Variants in CYP7B1 observed in about 807,000 individuals in gnomAD.
The protein encoded by CYP7B1 is cytochrome P450 7B1.
CYP7B1 carries 29 observed loss-of-function variants against 42.7 expected under a neutral mutation model. That is an observed-to-expected ratio of 0.68 (90% CI 0.51 to 0.93). The LOEUF (loss-of-function observed/expected upper bound fraction) is 0.93. Ranked by LOEUF, CYP7B1 falls within the 40% of genes least tolerant of loss-of-function variation. The pLI is 0.00. For missense variants in CYP7B1, 655 were observed against 600.5 expected (o/e 1.09, Z -0.95); for synonymous variants, 235 against 218.2 (o/e 1.08, Z -0.68).
chr8:64,603,765 A>G (rs1048775266), intron 5 of CYP7B1, among the ~76,000 whole-genome samples: 1 of 152,160 alleles, frequency 6.6e-6, no homozygotes, highest in African/African-American at 2.4e-5. Flanking sequence ...AATAAATGCA[A>G]ATTTTCTAAT....
At chr8:64,795,201 G>A (rs187963192) in intron 1 of CYP7B1, among the ~76,000 whole-genome samples, 9 of 152,344 alleles carry the variant, frequency 5.9e-5, no homozygotes, top group Admixed American at 5.2e-4. Context: ...AAATCATTAT[G>A]TTGAGAGAAA....
At chr8:64,635,353 G>T (rs1203639120) in intron 1 of CYP7B1, among the ~76,000 whole-genome samples, 5 of 152,166 alleles carry the variant, frequency 3.3e-5, no homozygotes, top group Middle Eastern at 3.2e-3. Context: ...GACATCTGGT[G>T]TTCACACACC....
At chr8:64,588,716 A>G (rs1804999431), downstream of CYP7B1, among the ~76,000 whole-genome samples, 2 of 152,206 alleles carry the variant, frequency 1.3e-5, no homozygotes, top group South Asian at 4.1e-4. Context: ...GCATTGTCCA[A>G]TCAAGTAAGT....
At chr8:64,650,335 G>C (rs1035038415) in intron 1 of CYP7B1, among the ~76,000 whole-genome samples, 2 of 152,152 alleles carry the variant, frequency 1.3e-5, no homozygotes, top group Non-Finnish European at 2.9e-5. Flanking sequence ...CAAAGTCATA[G>C]ATCAGTCATA....
chr8:64,762,116 T>C (rs967546890), intron 1 of CYP7B1, among the ~76,000 whole-genome samples: 2 of 152,314 alleles, frequency 1.3e-5, no homozygotes, highest in South Asian at 4.1e-4. Context: ...CCACAGAATA[T>C]AGTAATTATC....
At chr8:64,696,301 T>C (rs988905648) in intron 1 of CYP7B1, among the ~76,000 whole-genome samples, 3 of 152,202 alleles carry the variant, frequency 2.0e-5, no homozygotes, top group Non-Finnish European at 4.4e-5. Flanking sequence ...ATTGAACTTA[T>C]TGATTATGAC....
chr8:64,756,156 C>A (rs1807805213), intron 1 of CYP7B1, among the ~76,000 whole-genome samples: 1 of 152,170 alleles, frequency 6.6e-6, no homozygotes, highest in Non-Finnish European at 1.5e-5. Context: ...ACTTTTAACT[C>A]TTTTCCCTCA....
chr8:64,729,825 TAA>T (rs1563407582), intron 1 of CYP7B1, among the ~76,000 whole-genome samples: 1 of 152,230 alleles, frequency 6.6e-6, no homozygotes, highest in Admixed American at 6.5e-5. Flanking sequence ...TCTTTTAATG[TAA>T]AGTTTCTTGT....
chr8:64,707,019 C>T (rs1307093009), intron 1 of CYP7B1, among the ~76,000 whole-genome samples: 1 of 151,972 alleles, frequency 6.6e-6, no homozygotes. Context: ...TATTAGAAAC[C>T]TTGAATGATT....
chr8:64,688,889 G>A (rs1396763237), intron 1 of CYP7B1, among the ~76,000 whole-genome samples: 1 of 152,136 alleles, frequency 6.6e-6, no homozygotes, highest in East Asian at 1.9e-4. Context: ...TTGTGCCACT[G>A]CACTCCAGCC....
chr8:64,732,316 T>C (rs1254601639), intron 1 of CYP7B1, among the ~76,000 whole-genome samples: 1 of 152,232 alleles, frequency 6.6e-6, no homozygotes, highest in Admixed American at 6.5e-5. Flanking sequence ...ATGTGAGATA[T>C]GAAGTCCAAG....
chr8:64,686,733 T>C (rs1806656863), intron 1 of CYP7B1, among the ~76,000 whole-genome samples: 1 of 76,688 alleles, frequency 1.3e-5, no homozygotes, highest in African/African-American at 5.6e-5. Context: ...GGTTGCCCTG[T>C]CTGTGTAGAA....
chr8:64,680,446 A>G (rs1326120374), intron 1 of CYP7B1, among the ~76,000 whole-genome samples: 1 of 152,214 alleles, frequency 6.6e-6, no homozygotes, highest in Non-Finnish European at 1.5e-5. Context: ...CCTGAAGGAC[A>G]GCAGTCCCAA....
intron 1 of CYP7B1, among the ~76,000 whole-genome samples, chr8:64,654,045 C>T (rs1806081444): frequency 6.6e-6 from 1 of 152,102 alleles, no homozygotes; most frequent in Non-Finnish European, 1.5e-5. Context: ...CCATCTATGA[C>T]CAACCTACAG....
intron 1 of CYP7B1, among the ~76,000 whole-genome samples, chr8:64,686,062 GCC>G (rs1311911585): frequency 8.1e-6 from 1 of 124,086 alleles, no homozygotes; most frequent in African/African-American, 3.1e-5. Context: ...GGGGGGGTCA[GCC>G]CCCCCACCCG....
intron 1 of CYP7B1, among the ~76,000 whole-genome samples, chr8:64,652,238 C>T (rs1042740412): frequency 6.6e-6 from 1 of 152,158 alleles, no homozygotes; most frequent in Non-Finnish European, 1.5e-5. Context: ...ATCCACGATA[C>T]ACCTGGTTAT....
chr8:64,687,111 C>T (rs915685109), intron 1 of CYP7B1, among the ~76,000 whole-genome samples: 1 of 144,502 alleles, frequency 6.9e-6, no homozygotes, highest in African/African-American at 2.6e-5. Context: ...TGAGAAACAC[C>T]CAAGAATTAT....
chr8:64,720,193 G>C (rs1327684117), intron 1 of CYP7B1, among the ~76,000 whole-genome samples: 1 of 152,040 alleles, frequency 6.6e-6, no homozygotes, highest in Admixed American at 6.6e-5. Flanking sequence ...AGACACACAG[G>C]TATGGTCATT....
chr8:64,590,794 ATCT>A (rs1805023379), downstream of CYP7B1, among the ~76,000 whole-genome samples: 1 of 152,170 alleles, frequency 6.6e-6, no homozygotes, highest in Admixed American at 6.5e-5. Context: ...TTGTAATCAA[ATCT>A]TCTGTTATCC....
Sources: gnomAD v4.1 joint callset for allele counts (sites outside exome capture counted in the v4.1 genomes callset) on GRCh38, gnomAD v4.1.1 for gene constraint, MANE v1.5 for transcripts, NCBI Gene and HGNC (gene_info 2026-07-23, HGNC 2026-07-21) for gene names.